The following MPPED2 variants were observed in gnomAD, a reference collection of about 807,000 sequenced individuals.
The protein encoded by MPPED2 is metallophosphoesterase domain containing 2, also known as metallophosphoesterase MPPED2.
A neutral mutation model predicts 33.0 loss-of-function variants in MPPED2; 5 were observed. The ratio of observed to expected loss-of-function variants is 0.15; its 90% CI spans 0.08 to 0.32. MPPED2 has a LOEUF of 0.32. Ranked by LOEUF, MPPED2 falls within the 10% of genes least tolerant of loss-of-function variation. The pLI, the probability that MPPED2 is intolerant of heterozygous loss-of-function variation, is 1.00. For synonymous variants in MPPED2, 136 were observed against 141.9 expected (o/e 0.96, Z 0.29); for missense variants, 275 against 372.1 (o/e 0.74, Z 2.15).
At chr11:30,565,079 T>TC (rs1258265046) in intron 2 of MPPED2, among the ~76,000 whole-genome samples, 1 of 152,022 alleles carries the variant, frequency 6.6e-6, no homozygotes, top group Admixed American at 6.6e-5. Flanking sequence ...GGTAGAGAAA[T>TC]CCCCACATAT....
downstream of MPPED2, among the ~76,000 whole-genome samples, chr11:30,406,088 T>C (rs1169457144): frequency 6.6e-6 from 1 of 152,116 alleles, no homozygotes; most frequent in Admixed American, 6.5e-5. Flanking sequence ...ATCTCTCTTG[T>C]AGAAGGAGGA....
rs1955222589 is a variant in MPPED2, at chr11:30,543,157, A to G, written c.129-6982T>C. Among the ~76,000 whole-genome samples the G allele has an allele frequency of 2.0e-5, 3 of 152,348 alleles. No individual in the cohort carries two copies. The South Asian group carries it at 6.2e-4, about 32-fold the overall frequency. ...GCATATTACAGGGAGTGAACAATAC[A>G]GAAGTTTGTTTTTTAAAATGCTGAT... On this transcript the variant is annotated intron_variant, in intron 2 of 6. Transcript: ENST00000358117.
At chr11:30,521,995 C>T (rs957828805) in intron 3 of MPPED2, among the ~76,000 whole-genome samples, 2 of 152,192 alleles carry the variant, frequency 1.3e-5, no homozygotes, top group Non-Finnish European at 2.9e-5. Flanking sequence ...ACTTAATATA[C>T]AGCAATTCTC....
intron 2 of MPPED2, among the ~76,000 whole-genome samples, chr11:30,547,928 T>C (rs1235059254): frequency 1.3e-5 from 2 of 152,196 alleles, no homozygotes; most frequent in Non-Finnish European, 2.9e-5. Flanking sequence ...AGGGCATACA[T>C]ACCAAACTGT....
intron 1 of MPPED2, among the ~76,000 whole-genome samples, chr11:30,580,961 T>C (rs1957139337): frequency 6.6e-6 from 1 of 152,244 alleles, no homozygotes; most frequent in African/African-American, 2.4e-5. Context: ...TTTAAAATGT[T>C]GTGCTTATAA....
At chr11:30,405,643 A>G (rs1441533620), downstream of MPPED2, among the ~76,000 whole-genome samples, 1 of 152,238 alleles carries the variant, frequency 6.6e-6, no homozygotes, top group African/African-American at 2.4e-5. Flanking sequence ...AGAAAGTTAA[A>G]GAACTCATTT....
At chr11:30,579,771 G>T (rs2134907770) in intron 2 of MPPED2, among the ~76,000 whole-genome samples, 1 of 151,690 alleles carries the variant, frequency 6.6e-6, no homozygotes, top group East Asian at 1.9e-4. Context: ...TGGACAATTA[G>T]TCCCAATTAG....
chr11:30,551,361 C>T (rs1454987424), intron 2 of MPPED2, among the ~76,000 whole-genome samples: 1 of 152,168 alleles, frequency 6.6e-6, no homozygotes, highest in African/African-American at 2.4e-5. Flanking sequence ...GTCAGAGATG[C>T]TATAAATCAT....
At chr11:30,502,605 A>C (rs1952621413) in intron 3 of MPPED2, among the ~76,000 whole-genome samples, 1 of 152,144 alleles carries the variant, frequency 6.6e-6, no homozygotes, top group South Asian at 2.1e-4. Flanking sequence ...GAATCTAAAA[A>C]CTTGTTGCTA....
chr11:30,543,554 T>C (rs1367446421), intron 2 of MPPED2, among the ~76,000 whole-genome samples: 2 of 152,226 alleles, frequency 1.3e-5, no homozygotes, highest in African/African-American at 4.8e-5. Context: ...TTTGCAATTT[T>C]ATTTTATGCT....
chr11:30,435,506 TC>T (rs1412974383), intron 4 of MPPED2, among the ~76,000 whole-genome samples: 1 of 152,136 alleles, frequency 6.6e-6, no homozygotes, highest in Non-Finnish European at 1.5e-5. Flanking sequence ...ACACACAAAA[TC>T]TATGCTCCTT....
chr11:30,555,305 C>T (rs1014319014), intron 2 of MPPED2, among the ~76,000 whole-genome samples: 2 of 152,098 alleles, frequency 1.3e-5, no homozygotes, highest in African/African-American at 4.8e-5. Context: ...GTTTTAGAAA[C>T]TTACTTTATA....
At chr11:30,548,217 T>TC (rs1454500710) in intron 2 of MPPED2, among the ~76,000 whole-genome samples, 1 of 11,246 alleles carries the variant, frequency 8.9e-5, no homozygotes, top group East Asian at 3.0e-3. Context: ...TAAGTAACTA[T>TC]CTTTTTTTTT....
At chr11:30,558,547 C>T (rs1956092585) in intron 2 of MPPED2, among the ~76,000 whole-genome samples, 1 of 151,568 alleles carries the variant, frequency 6.6e-6, no homozygotes, top group African/African-American at 2.4e-5. Flanking sequence ...TCTCAAGTAG[C>T]TAGAAATACA....
intron 2 of MPPED2, among the ~76,000 whole-genome samples, chr11:30,552,016 G>C (rs764187487): frequency 6.6e-6 from 1 of 152,206 alleles, no homozygotes; most frequent in Non-Finnish European, 1.5e-5. Context: ...ACTCCTTGAT[G>C]AAGTGTTCCA....
At chr11:30,508,776 T>C (rs1344069782) in intron 3 of MPPED2, among the ~76,000 whole-genome samples, 2 of 152,058 alleles carry the variant, frequency 1.3e-5, no homozygotes, top group African/African-American at 4.8e-5. Context: ...TGTGTAGAAC[T>C]CTCTGTGCCC....
At chr11:30,427,615 T>C (rs767526272) in intron 4 of MPPED2, among the ~76,000 whole-genome samples, 3 of 149,474 alleles carry the variant, frequency 2.0e-5, no homozygotes, top group African/African-American at 7.3e-5. Flanking sequence ...AGAATGAATG[T>C]TCATGAAGAG....
intron 4 of MPPED2, among the ~76,000 whole-genome samples, chr11:30,462,379 C>G (rs888873891): frequency 1.3e-5 from 2 of 152,146 alleles, no homozygotes; most frequent in African/African-American, 4.8e-5. Flanking sequence ...TCACCCACAA[C>G]TTATACACTC....
chr11:30,418,753 C>T (rs1307245954), intron 4 of MPPED2, among the ~76,000 whole-genome samples: 1 of 152,188 alleles, frequency 6.6e-6, no homozygotes, highest in Non-Finnish European at 1.5e-5. Flanking sequence ...TCAATCACAG[C>T]TAATCAAATG....
Sources: gnomAD v4.1 joint callset for allele counts (sites outside exome capture counted in the v4.1 genomes callset) on GRCh38, gnomAD v4.1.1 for gene constraint, MANE v1.5 for transcripts, NCBI Gene and HGNC (gene_info 2026-07-23, HGNC 2026-07-21) for gene names.